CDC14B: variants seen among roughly 807,000 people sequenced by gnomAD.
CDC14B encodes cell division cycle 14B.
CDC14B carries 22 observed loss-of-function variants against 64.2 expected under a neutral mutation model. The ratio of observed to expected loss-of-function variants is 0.34; its 90% confidence interval spans 0.24 to 0.49. The LOEUF (loss-of-function observed/expected upper bound fraction) is 0.49. CDC14B is among the 20% of genes least tolerant of loss of function. The pLI is 0.99. For missense variants in CDC14B, 498 were observed against 629.9 expected (o/e 0.79, Z 2.24); for synonymous variants, 191 against 215.8 (o/e 0.89, Z 1.01).
At chr9:96,603,915 C>T (rs1031986229) in intron 1 of CDC14B, among the ~76,000 whole-genome samples, 1 of 152,180 alleles carries the variant, frequency 6.6e-6, no homozygotes, top group South Asian at 2.1e-4. Flanking sequence ...GATTAGAAAC[C>T]CTGGAACAAT....
At chr9:96,558,617 TAACAA>T (rs2132187111) in intron 4 of CDC14B, among the ~76,000 whole-genome samples, 1 of 152,354 alleles carries the variant, frequency 6.6e-6, no homozygotes, top group East Asian at 1.9e-4. Flanking sequence ...ACAACAAAAT[TAACAA>T]AACAAAATTT....
intron 5 of CDC14B, among the ~76,000 whole-genome samples, chr9:96,548,856 TAAATA>T (rs1453880094): frequency 6.6e-6 from 1 of 151,836 alleles, no homozygotes; most frequent in Admixed American, 6.6e-5. Flanking sequence ...TAAATCTAAT[TAAATA>T]AAACATTGCT....
rs553241718 is a variant in CDC14B at position 96,524,008 on chromosome 9, C to T, written c.947-283G>A. 2.6e-5 allele frequency among the ~76,000 whole-genome samples: 4 copies of T among 152,342 alleles called. No individual in the cohort carries two copies. The South Asian group carries it at 8.3e-4, about 32-fold the overall frequency. On this transcript the variant is annotated intron_variant, in intron 9 of 13. Coordinates refer to ENST00000375241, the MANE Select transcript of CDC14B (RefSeq NM_033331.4). ...CTGGAGTGCAATGATGCAATCTCAGCTCACTGCAACCTTCACCTCCTGGGC... is the reference window on the plus strand; with the variant it reads ...CTGGAGTGCAATGATGCAATCTCAGTTCACTGCAACCTTCACCTCCTGGGC...
chr9:96,542,036 A>G (rs1052261454), intron 5 of CDC14B, 144 bp from the exon 6 acceptor site: 9 of 491,762 alleles, frequency 1.8e-5, no homozygotes, highest in Non-Finnish European at 3.3e-5. Flanking sequence ...TGACTTTTAA[A>G]TAAAAGATAA....
At chr9:96,583,171 C>A (rs1341791400) in intron 1 of CDC14B, among the ~76,000 whole-genome samples, 1 of 151,994 alleles carries the variant, frequency 6.6e-6, no homozygotes, top group Non-Finnish European at 1.5e-5. Flanking sequence ...TCAGAATAAT[C>A]CCTGTAAGAA....
At chr9:96,564,395 GCT>G (rs1469600187) in intron 3 of CDC14B, among the ~76,000 whole-genome samples, 1 of 152,176 alleles carries the variant, frequency 6.6e-6, no homozygotes, top group Non-Finnish European at 1.5e-5. Flanking sequence ...TTGTTAGTTT[GCT>G]ATCACTCCCC....
chr9:96,600,528 G>A (rs1297557746), intron 1 of CDC14B, among the ~76,000 whole-genome samples: 1 of 151,266 alleles, frequency 6.6e-6, no homozygotes, highest in South Asian at 2.1e-4. Flanking sequence ...TTTGAGATGG[G>A]GTCTAACTCT....
At chr9:96,607,712 C>T (rs1271735523) in intron 1 of CDC14B, among the ~76,000 whole-genome samples, 5 of 152,140 alleles carry the variant, frequency 3.3e-5, no homozygotes, top group Admixed American at 1.3e-4. Flanking sequence ...CGTGAGCCAC[C>T]GCGCCCGGCC....
chr9:96,527,804 A>C (rs567995326), intron 9 of CDC14B, among the ~76,000 whole-genome samples: 82 of 152,062 alleles, frequency 5.4e-4, no homozygotes, highest in African/African-American at 2.0e-3. Context: ...TTTAGTAGAG[A>C]TGGGGTTTCA....
intron 1 of CDC14B, chr9:96,566,928 CG>C: frequency 6.6e-7 from 1 of 1,515,330 alleles, no homozygotes; most frequent in East Asian, 2.5e-5. Flanking sequence ...AAGGGCCGCG[CG>C]GGGCAGCGGG....
At chr9:96,595,329 T>C (rs1846009115) in intron 1 of CDC14B, among the ~76,000 whole-genome samples, 3 of 152,050 alleles carry the variant, frequency 2.0e-5, no homozygotes, top group South Asian at 2.1e-4. Flanking sequence ...CAGCATCCAG[T>C]CAAAGACTGC....
Position 96,619,301 on chromosome 9 carries a change from CG to C in CDC14B, c.77del (p.Pro26ArgfsTer3). On this transcript the variant is annotated frameshift_variant, in exon 1 of 14. Transcript: ENST00000375241. ...TGGAGCTGCGGATCTTCTTCACACC[CG>C]GCGAGGTCGACGAGCAGCGCCGCGA... ...PCSRRCSSTS[P>X]GVKKIRSSTQ... 1 of 1,320,660 alleles carries C rather than the reference CG, an allele frequency of 7.6e-7. No individual in the cohort carries two copies. The allele number at this position is 1,320,660 out of a possible 1,614,324, so 81.8% of individuals were successfully genotyped here.
chr9:96,524,788 A>G (rs575593402), intron 9 of CDC14B, among the ~76,000 whole-genome samples: 173 of 152,318 alleles, frequency 1.1e-3, no homozygotes, highest in African/African-American at 3.9e-3. Context: ...CCCACGCTGC[A>G]TATTTTGGAC....
intron 1 of CDC14B, among the ~76,000 whole-genome samples, chr9:96,595,279 A>G (rs979826718): frequency 3.9e-5 from 6 of 152,374 alleles, no homozygotes; most frequent in South Asian, 4.1e-4. Flanking sequence ...TTTAAGGTTT[A>G]TAACAATACG....
intron 5 of CDC14B, among the ~76,000 whole-genome samples, chr9:96,547,465 TAA>T (rs79522611): frequency 1.0e-4 from 14 of 140,076 alleles, no homozygotes; most frequent in Non-Finnish European, 9.4e-5. Context: ...GAGTCTGTCT[TAA>T]AAAAAAAAAA....
intron 1 of CDC14B, among the ~76,000 whole-genome samples, chr9:96,574,963 A>C (rs1226796061): frequency 1.3e-5 from 2 of 152,208 alleles, no homozygotes. Flanking sequence ...TTTCAGACTG[A>C]CCAAACCTAC....
chr9:96,551,927 C>A, intron 4 of CDC14B, 55 bp from the exon 5 acceptor site: 1 of 1,558,608 alleles, frequency 6.4e-7, no homozygotes. Context: ...AGATACAGTG[C>A]TGTCACTGCG....
downstream of CDC14B, among the ~76,000 whole-genome samples, chr9:96,497,864 G>T (rs1833320211): frequency 6.6e-6 from 1 of 152,134 alleles, no homozygotes; most frequent in Non-Finnish European, 1.5e-5. Context: ...TCTAAGCTAA[G>T]TGGCAGCACT....
At chr9:96,519,835 C>T (rs1005875412) in intron 12 of CDC14B, among the ~76,000 whole-genome samples, 14 of 150,576 alleles carry the variant, frequency 9.3e-5, no homozygotes, top group African/African-American at 2.4e-5. Context: ...TTCTCACTAA[C>T]TTTCCTTCTT....
Sources: gnomAD v4.1 joint callset for allele counts (sites outside exome capture counted in the v4.1 genomes callset) on GRCh38, gnomAD v4.1.1 for gene constraint, MANE v1.5 for transcripts, NCBI Gene and HGNC (gene_info 2026-07-23, HGNC 2026-07-21) for gene names.